S100A8: variants seen among roughly 807,000 people sequenced by gnomAD.
The protein encoded by S100A8 is protein S100-A8.
Under a neutral mutation model 4.2 loss-of-function variants are expected in S100A8, and 1 was observed. The ratio of observed to expected loss-of-function variants is 0.24; its 90% CI spans 0.08 to 1.12. The LOEUF (loss-of-function observed/expected upper bound fraction) is 1.12, where lower values mean the gene tolerates loss of function less well. S100A8 is among the 50% of genes most tolerant of loss of function. The pLI is 0.53. For missense variants in S100A8, 96 were observed against 111.8 expected, an observed-to-expected ratio of 0.86 and a Z score of 0.64; for synonymous variants, 41 against 44.7, an observed-to-expected ratio of 0.92 and a Z score of 0.33.
the S100A8 span, chr1:153,417,840 A>T: frequency 2.0e-6 from 1 of 496,740 alleles, no homozygotes; most frequent in Non-Finnish European, 3.6e-6. Context: ...GACTTCTGCC[A>T]TCCACCTGCA....
At chr1:153,393,787 T>C (rs1035042062), upstream of S100A8, among the ~76,000 whole-genome samples, 6 of 152,236 alleles carry the variant, frequency 3.9e-5, no homozygotes, top group African/African-American at 1.4e-4. Flanking sequence ...TCATTTGATA[T>C]TCCCAGCAAC....
chr1:153,418,208 T>C, the S100A8 span: 395 of 1,613,972 alleles, frequency 2.4e-4, 1 homozygote, highest in African/African-American at 1.4e-3. Context: ...ACTTCCCCAA[T>C]TTCCTCAGTG....
the S100A8 span, among the ~76,000 whole-genome samples, chr1:153,407,315 A>T: frequency 6.6e-6 from 1 of 152,206 alleles, no homozygotes. Context: ...ACACCAGGAG[A>T]TCATATCCCG....
the S100A8 span, among the ~76,000 whole-genome samples, chr1:153,415,181 T>TGC: frequency 6.0e-4 from 90 of 151,240 alleles, no homozygotes; most frequent in African/African-American, 2.1e-3. Flanking sequence ...TTTGTGTGTG[T>TGC]GTGCGTGTGT....
the S100A8 span, among the ~76,000 whole-genome samples, chr1:153,396,411 G>C: frequency 6.6e-6 from 1 of 152,254 alleles, no homozygotes; most frequent in Non-Finnish European, 1.5e-5. Flanking sequence ...AAATATGTAT[G>C]AAATTGCTTT....
the S100A8 span, among the ~76,000 whole-genome samples, chr1:153,400,336 T>C: frequency 2.6e-5 from 4 of 152,146 alleles, no homozygotes; most frequent in Non-Finnish European, 5.9e-5. Flanking sequence ...CTACAGATGC[T>C]ACCTGGGCCC....
upstream of S100A8, among the ~76,000 whole-genome samples, chr1:153,391,525 C>G (rs532469655): frequency 7.9e-5 from 12 of 152,238 alleles, no homozygotes; most frequent in Admixed American, 4.6e-4. Context: ...GTCCAAAGAC[C>G]GCAAAAGGGT....
chr1:153,422,414 A>G, the S100A8 span: 1 of 693,814 alleles, frequency 1.4e-6, no homozygotes, highest in Non-Finnish European at 1.8e-6. Flanking sequence ...GTTCTAACAC[A>G]TACTAGAGCA....
the S100A8 span, among the ~76,000 whole-genome samples, chr1:153,414,888 C>A: frequency 4.6e-5 from 7 of 152,094 alleles, no homozygotes; most frequent in African/African-American, 1.7e-4. Flanking sequence ...CGCATTGTAC[C>A]CACTAAGAAA....
At chr1:153,401,344 AG>A in the S100A8 span, among the ~76,000 whole-genome samples, 1 of 152,190 alleles carries the variant, frequency 6.6e-6, no homozygotes, top group African/African-American at 2.4e-5. Context: ...CTGTGGAGAA[AG>A]GGGGCGGAAA....
the S100A8 span, chr1:153,421,416 C>T: frequency 6.6e-6 from 1 of 152,232 alleles, no homozygotes; most frequent in Non-Finnish European, 1.5e-5. Context: ...ATTGTTACCT[C>T]GGATCTCCTG....
At chr1:153,421,423 C>T in the S100A8 span, 2 of 152,238 alleles carry the variant, frequency 1.3e-5, no homozygotes, top group African/African-American at 2.4e-5. Flanking sequence ...CCTCGGATCT[C>T]CTGGTTACCC....
At chr1:153,390,950 C>A in intron 1 of S100A8, 91 bp downstream of exon 1, 6 of 919,908 alleles carry the variant, frequency 6.5e-6, no homozygotes, top group Non-Finnish European at 7.8e-6. Flanking sequence ...CCTGAGCTTT[C>A]TCTCTCCTCT....
the S100A8 span, among the ~76,000 whole-genome samples, chr1:153,398,557 G>T: frequency 6.6e-6 from 1 of 152,158 alleles, no homozygotes; most frequent in Non-Finnish European, 1.5e-5. Flanking sequence ...CCTCTGTGCA[G>T]CTCCTCTCTG....
At chr1:153,402,346 C>A in the S100A8 span, among the ~76,000 whole-genome samples, 1 of 152,176 alleles carries the variant, frequency 6.6e-6, no homozygotes, top group Non-Finnish European at 1.5e-5. Context: ...GGCCCATGGG[C>A]CCCACATACC....
the S100A8 span, chr1:153,416,656 T>A: frequency 9.0e-5 from 31 of 344,868 alleles, no homozygotes; most frequent in African/African-American, 2.6e-4. Flanking sequence ...GTGGACAAAG[T>A]CTCAGAAGCC....
At chr1:153,399,184 A>G in the S100A8 span, among the ~76,000 whole-genome samples, 1 of 152,100 alleles carries the variant, frequency 6.6e-6, no homozygotes, top group South Asian at 2.1e-4. Flanking sequence ...TGAGCCGCGA[A>G]CCCACCACCA....
the S100A8 span, among the ~76,000 whole-genome samples, chr1:153,408,037 G>A: frequency 6.6e-6 from 1 of 152,180 alleles, no homozygotes; most frequent in African/African-American, 2.4e-5. Flanking sequence ...CAGAAAAGCT[G>A]AAAACTCTAA....
At chr1:153,403,817 T>G in the S100A8 span, among the ~76,000 whole-genome samples, 1 of 152,108 alleles carries the variant, frequency 6.6e-6, no homozygotes, top group African/African-American at 2.4e-5. Context: ...CAACCAATTC[T>G]CCAACACTCT....
Sources: gnomAD v4.1 joint callset for allele counts (sites outside exome capture counted in the v4.1 genomes callset) on GRCh38, gnomAD v4.1.1 for gene constraint, MANE v1.5 for transcripts, NCBI Gene and HGNC (gene_info 2026-07-23, HGNC 2026-07-21) for gene names.